ULK4: variants seen among roughly 807,000 people sequenced by gnomAD.
ULK4 encodes unc-51 like kinase 4, also known as inactive serine/threonine-protein kinase ULK4.
Under a neutral mutation model 160.6 loss-of-function variants are expected in ULK4, and 133 were observed. That is an observed-to-expected ratio of 0.83 (90% CI 0.72 to 0.96). The LOEUF (loss-of-function observed/expected upper bound fraction) is 0.96. Ranked by LOEUF, ULK4 falls within the 40% of genes least tolerant of loss-of-function variation. The pLI is 0.00. For synonymous variants in ULK4, 534 were observed against 539.8 expected (o/e 0.99, Z 0.15); for missense variants, 1,580 against 1,499.5 (o/e 1.05, Z -0.89).
At position 41,628,831 on chromosome 3, in the gene ULK4, T is replaced by C. The variant is rs58877288; in HGVS notation, c.3072-13114A>G. Among the ~76,000 whole-genome samples the C allele has an allele frequency of 3.6e-3, 551 of 152,334 alleles. 3 individuals are homozygous for C. In the East Asian group the frequency reaches 0.041, roughly 11 times the overall value. On this transcript the variant is annotated intron_variant, in intron 30 of 36. Transcript: ENST00000301831. ...TGGCTGAAGGACACATGGAAATTCTTTGTACTACTTTGACTCTGTAAGGTT... is the reference window on the plus strand; with the variant it reads ...TGGCTGAAGGACACATGGAAATTCTCTGTACTACTTTGACTCTGTAAGGTT...
intron 34 of ULK4, among the ~76,000 whole-genome samples, chr3:41,451,668 A>C (rs954558686): frequency 5.3e-5 from 8 of 152,086 alleles, no homozygotes; most frequent in Non-Finnish European, 1.2e-4. Context: ...ATTCCAATTC[A>C]AGTAATTGGG....
chr3:41,821,742 C>T (rs1007771405), intron 18 of ULK4, among the ~76,000 whole-genome samples: 4 of 152,104 alleles, frequency 2.6e-5, no homozygotes, highest in African/African-American at 7.2e-5. Context: ...CACAACTATC[C>T]TCACTTTACA....
intron 34 of ULK4, among the ~76,000 whole-genome samples, chr3:41,428,888 C>T (rs762775271): frequency 6.6e-6 from 1 of 151,916 alleles, no homozygotes; most frequent in Non-Finnish European, 1.5e-5. Context: ...GCTATTGCAA[C>T]AAAGGAAAAT....
chr3:41,440,174 T>C (rs1170072436), intron 34 of ULK4, among the ~76,000 whole-genome samples: 1 of 152,156 alleles, frequency 6.6e-6, no homozygotes, highest in African/African-American at 2.4e-5. Context: ...TTTTCCAATC[T>C]GGATGATTTT....
intron 32 of ULK4, among the ~76,000 whole-genome samples, chr3:41,544,475 T>A (rs774411607): frequency 3.3e-5 from 5 of 152,212 alleles, no homozygotes; most frequent in Non-Finnish European, 5.9e-5. Context: ...CAGGTCTTTC[T>A]TCATCATATG....
At chr3:41,659,164 T>C (rs746280765) in intron 30 of ULK4, among the ~76,000 whole-genome samples, 1 of 152,206 alleles carries the variant, frequency 6.6e-6, no homozygotes, top group Non-Finnish European at 1.5e-5. Context: ...GATAGAAATG[T>C]AAATTGGTAC....
intron 17 of ULK4, among the ~76,000 whole-genome samples, chr3:41,850,235 A>C: frequency 6.6e-6 from 1 of 152,156 alleles, no homozygotes; most frequent in Non-Finnish European, 1.5e-5. Context: ...GGTTGGTTCC[A>C]AGTCTTTGCT....
intron 30 of ULK4, among the ~76,000 whole-genome samples, chr3:41,633,053 G>C (rs1372904752): frequency 6.6e-6 from 1 of 152,210 alleles, no homozygotes; most frequent in Non-Finnish European, 1.5e-5. Context: ...AAAGGTTTAA[G>C]TGAAAGAGCA....
rs956617751 is a variant in ULK4, at chr3:41,800,136, A to C, written c.2006T>G (p.Val669Gly). 3 of 1,602,516 alleles carry C rather than the reference A, an allele frequency of 1.9e-6. No homozygotes were observed. The African/African-American group carries it at 4.0e-5, about 22-fold the overall frequency. The part of the protein sequence containing the change: ...STADSLRITA[V>G]SALCRITRHS... ...CCAAAAGATGCTTCATCTTACCGATACTGCTGTTATCCTAAGAGAATCAGC... is the reference window on the plus strand; with the variant it reads ...CCAAAAGATGCTTCATCTTACCGATCCTGCTGTTATCCTAAGAGAATCAGC... Residue 669 changes from valine to glycine, a missense_variant, in exon 20 of 37, where the codon GTA (valine) becomes GGA (glycine). Val to Gly is a moderately radical substitution (Grantham distance 109, BLOSUM62 -3). Transcript: ENST00000301831.
intron 33 of ULK4, among the ~76,000 whole-genome samples, chr3:41,457,901 A>G (rs2083592142): frequency 6.6e-6 from 1 of 152,184 alleles, no homozygotes; most frequent in African/African-American, 2.4e-5. Context: ...AGAGGATGCT[A>G]GCCTGGGCTA....
Position 41,587,522 on chromosome 3 carries a change from T to C in ULK4, c.3121-21392A>G, listed in dbSNP as rs1264143152. On this transcript the variant is annotated intron_variant, in intron 31 of 36. Transcript: ENST00000301831. ...TTGAATTTGACTCCATGTAGATATATAGCTTTGAAATACTGAGAAAGAACT... is the reference window on the plus strand; with the variant it reads ...TTGAATTTGACTCCATGTAGATATACAGCTTTGAAATACTGAGAAAGAACT... Among the ~76,000 whole-genome samples the C allele has an allele frequency of 3.3e-5, 5 of 152,192 alleles. No individual in the cohort carries two copies. The South Asian group carries it at 6.2e-4, about 19-fold the overall frequency.
At chr3:41,436,141 A>C (rs1028628139) in intron 34 of ULK4, among the ~76,000 whole-genome samples, 1 of 152,188 alleles carries the variant, frequency 6.6e-6, no homozygotes, top group Non-Finnish European at 1.5e-5. Context: ...AAATTGCATG[A>C]GATACTCAAC....
At chr3:41,400,273 CAT>C (rs1397869132) in intron 34 of ULK4, among the ~76,000 whole-genome samples, 1 of 151,982 alleles carries the variant, frequency 6.6e-6, no homozygotes, top group African/African-American at 2.4e-5. Context: ...AACTTAATCA[CAT>C]GTGTAGATTT....
intron 35 of ULK4, among the ~76,000 whole-genome samples, chr3:41,264,739 A>T (rs544247408): frequency 3.9e-5 from 6 of 152,370 alleles, no homozygotes; most frequent in South Asian, 2.1e-4. Context: ...CAATCTCTTC[A>T]ACAGATTATA....
intron 33 of ULK4, among the ~76,000 whole-genome samples, chr3:41,462,627 T>G (rs962018922): frequency 6.6e-6 from 1 of 152,066 alleles, no homozygotes; most frequent in Non-Finnish European, 1.5e-5. Context: ...GGAAAGAAAA[T>G]GAGCTTATGA....
At chr3:41,583,741 A>G (rs1052077879) in intron 31 of ULK4, among the ~76,000 whole-genome samples, 3 of 152,186 alleles carry the variant, frequency 2.0e-5, no homozygotes, top group Admixed American at 6.5e-5. Flanking sequence ...GTGCTTTGTT[A>G]TAATTGACCA....
At chr3:41,456,646 TA>T (rs1259519688) in intron 33 of ULK4, among the ~76,000 whole-genome samples, 7 of 152,218 alleles carry the variant, frequency 4.6e-5, no homozygotes, top group African/African-American at 1.4e-4. Context: ...AATTTTATAT[TA>T]AAAAATGGTA....
At chr3:41,281,635 T>C (rs1236048849) in intron 35 of ULK4, among the ~76,000 whole-genome samples, 1 of 152,174 alleles carries the variant, frequency 6.6e-6, no homozygotes, top group Non-Finnish European at 1.5e-5. Context: ...AAACTAGGTA[T>C]TGATGGAATG....
At chr3:41,733,634 T>C (rs1362512914) in intron 22 of ULK4, among the ~76,000 whole-genome samples, 1 of 151,844 alleles carries the variant, frequency 6.6e-6, no homozygotes, top group Non-Finnish European at 1.5e-5. Context: ...ATAATTACCA[T>C]GTTTTCTCCC....
Sources: gnomAD v4.1 joint callset for allele counts (sites outside exome capture counted in the v4.1 genomes callset) on GRCh38, gnomAD v4.1.1 for gene constraint, MANE v1.5 for transcripts, NCBI Gene and HGNC (gene_info 2026-07-23, HGNC 2026-07-21) for gene names.